Variants in LONP2 observed in about 807,000 individuals in gnomAD.
LONP2 encodes lon peptidase 2, peroxisomal, also known as lon protease homolog 2, peroxisomal.
Under a neutral mutation model 85.6 loss-of-function variants are expected in LONP2, and 60 were observed. The observed-to-expected ratio is 0.70, with a 90% CI of 0.57 to 0.87. The LOEUF (loss-of-function observed/expected upper bound fraction) is 0.87, where lower values mean the gene tolerates loss of function less well. Ranked by LOEUF, LONP2 falls within the 40% of genes least tolerant of loss-of-function variation. LONP2 has a pLI of 0.00. For synonymous variants in LONP2, 395 were observed against 389.7 expected, an observed-to-expected ratio of 1.01 and a Z score of -0.16; for missense variants, 860 against 1,063.5, an observed-to-expected ratio of 0.81 and a Z score of 2.66.
chr16:48,293,193 C>G (rs1378289706), intron 8 of LONP2, among the ~76,000 whole-genome samples: 1 of 152,084 alleles, frequency 6.6e-6, no homozygotes, highest in Non-Finnish European at 1.5e-5. Flanking sequence ...CTTTGGGAGG[C>G]CGAGGTGGGC....
At chr16:48,294,357 CATT>C (rs1305546414) in intron 8 of LONP2, among the ~76,000 whole-genome samples, 1 of 152,148 alleles carries the variant, frequency 6.6e-6, no homozygotes, top group Non-Finnish European at 1.5e-5. Flanking sequence ...TGATATTAAA[CATT>C]ATTAAGTCTT....
intron 8 of LONP2, 62 bp from the exon 9 acceptor site, chr16:48,295,953 C>A: frequency 6.5e-7 from 1 of 1,528,262 alleles, no homozygotes; most frequent in Admixed American, 1.8e-5. Flanking sequence ...TGTGTTTTCA[C>A]TTATATACAG....
chr16:48,298,953 C>T (rs149539859), intron 9 of LONP2, among the ~76,000 whole-genome samples: 7 of 150,902 alleles, frequency 4.6e-5, no homozygotes, highest in Non-Finnish European at 1.0e-4. Context: ...TGCAGTGGTG[C>T]AATCTCAACT....
rs759287753 is a variant in LONP2, at chr16:48,262,833, G to C, written c.943G>C (p.Glu315Gln). ...PEYALTRNYLELMVELPWNKS... is the reference protein window; with the variant it reads ...PEYALTRNYLQLMVELPWNKS... ...ATATGCTCTGACTAGAAATTATTTGGAACTTATGGTAGAACTTCCTTGGAA... is the reference window on the plus strand; with the variant it reads ...ATATGCTCTGACTAGAAATTATTTGCAACTTATGGTAGAACTTCCTTGGAA... The change falls in exon 6 of 15, where the codon GAA becomes CAA. Residue 315 changes from glutamate to glutamine, a missense_variant. By Grantham distance (29) the Glu-to-Gln change is conservative. Coordinates refer to ENST00000285737, the MANE Select transcript of LONP2 (RefSeq NM_031490.5). The C allele has an allele frequency of 6.2e-7, 1 of 1,611,548 alleles. No individual in the cohort carries two copies. The highest frequency in any genetic ancestry group is 8.5e-7 in the Non-Finnish European group (1 of 1,178,684).
At position 48,252,355 on chromosome 16, in the gene LONP2, A is replaced by C; in HGVS notation, c.458A>C (p.Tyr153Ser). The C allele has an allele frequency of 6.3e-7, 1 of 1,595,534 alleles. No homozygotes were observed. Among genetic ancestry groups the C allele is most frequent in the Non-Finnish European group, 8.5e-7 (1 of 1,171,578 alleles). ...LGELSEQFYK[Y>S]AVQLVEMLDM... ...GAACTATCAGAGCAGTTTTACAAAT[A>C]TGCAGTACAAGTAAGTTGCTTTTAT... is the stretch of plus-strand genomic sequence containing the variant. The change falls in exon 2 of 15, where the codon TAT becomes TCT. Residue 153 changes from tyrosine (Y) to serine (S), a missense_variant. By Grantham distance (144) the Tyr-to-Ser change is moderately radical (BLOSUM62 -2). This residue lies in a region of LONP2 where 743 missense variants were observed against 917.3 expected (regional missense o/e 0.81). Coordinates refer to ENST00000285737, the MANE Select transcript of LONP2 (RefSeq NM_031490.5).
intron 14 of LONP2, among the ~76,000 whole-genome samples, chr16:48,351,336 C>T (rs916118913): frequency 6.6e-6 from 1 of 152,182 alleles, no homozygotes; most frequent in Non-Finnish European, 1.5e-5. Context: ...AAGAGGAACT[C>T]ATACCTATCA....
intron 12 of LONP2, chr16:48,344,390 G>GT (rs1959903369): frequency 6.6e-6 from 1 of 152,188 alleles, no homozygotes; most frequent in South Asian, 2.1e-4. Context: ...TAGATGTTAA[G>GT]TTACACAGAT....
chr16:48,346,314 A>G lies in LONP2; in HGVS notation c.1939-1193A>G, dbSNP rs545475820. Among the ~76,000 whole-genome samples the G allele has an allele frequency of 1.4e-4, 21 of 152,306 alleles. No individual in the cohort carries two copies. In the East Asian group the frequency reaches 4.1e-3, roughly 29 times the overall value. On this transcript the variant is annotated intron_variant, in intron 12 of 14. Coordinates refer to ENST00000285737, the MANE Select transcript of LONP2 (RefSeq NM_031490.5). Reference sequence around the variant, plus strand: ...CTAACATGAGTAACTTCTATTGGATAGGAAATTTTGAAGCTCAAAGGGTGT... The same window carrying G: ...CTAACATGAGTAACTTCTATTGGATGGGAAATTTTGAAGCTCAAAGGGTGT...
chr16:48,344,639 G>C (rs936259776), intron 12 of LONP2: 1 of 152,232 alleles, frequency 6.6e-6, no homozygotes, highest in African/African-American at 2.4e-5. Flanking sequence ...TCTTGGCTGG[G>C]CATGGTGGCT....
chr16:48,328,245 A>G (rs1959311615), intron 11 of LONP2, among the ~76,000 whole-genome samples: 1 of 152,130 alleles, frequency 6.6e-6, no homozygotes. Context: ...CCCCGTCTCT[A>G]CTAAAAATAC....
intron 11 of LONP2, among the ~76,000 whole-genome samples, chr16:48,324,504 A>G (rs1973330058): frequency 6.6e-6 from 1 of 152,248 alleles, no homozygotes; most frequent in Non-Finnish European, 1.5e-5. Context: ...AATTTTAATC[A>G]TTCAAAAATA....
intron 11 of LONP2, among the ~76,000 whole-genome samples, chr16:48,315,154 C>T (rs193153198): frequency 6.6e-5 from 10 of 152,260 alleles, no homozygotes; most frequent in African/African-American, 2.2e-4. Flanking sequence ...TATAAAATGA[C>T]AATTCGGTAG....
chr16:48,325,424 C>T (rs1471929166), intron 11 of LONP2, among the ~76,000 whole-genome samples: 1 of 152,192 alleles, frequency 6.6e-6, no homozygotes, highest in Non-Finnish European at 1.5e-5. Flanking sequence ...TATCTCTCCC[C>T]TTGCCAGTCT....
At chr16:48,255,285 C>G (rs1234890151) in intron 2 of LONP2, among the ~76,000 whole-genome samples, 1 of 152,168 alleles carries the variant, frequency 6.6e-6, no homozygotes, top group Admixed American at 6.5e-5. Flanking sequence ...CTTCCCTTAT[C>G]TCTAAGGCAG....
At chr16:48,323,032 A>G (rs1042748831) in intron 11 of LONP2, among the ~76,000 whole-genome samples, 15 of 152,198 alleles carry the variant, frequency 9.9e-5, no homozygotes, top group Admixed American at 3.9e-4. Flanking sequence ...GTGCGTGACT[A>G]TACCCACTAT....
rs1960164387 is a variant in LONP2, at chr16:48,351,897, G to A, written c.*95G>A. The A allele has an allele frequency of 1.1e-6, 1 of 892,764 alleles. No homozygotes were observed. Among genetic ancestry groups the A allele is most frequent in the African/African-American group, 1.7e-5 (1 of 59,446 alleles). The allele number at this position is 892,764 out of a possible 1,614,324, so 55.3% of individuals were successfully genotyped here. A position where few individuals can be genotyped will look rare whatever the true frequency, so the allele number is the denominator to read the frequency against. ...TCACACCATTAGGGGTATGCAAGAT[G>A]TCCCTGTTTTATAAACATAATCACA... is the stretch of plus-strand genomic sequence containing the variant. On this transcript the variant is annotated 3_prime_UTR_variant, in exon 15 of 15. Transcript: ENST00000285737.
Position 48,303,163 on chromosome 16 carries a change from T to C in LONP2, c.1662-9T>C. On this transcript the variant is annotated splice_polypyrimidine_tract_variant and intron_variant, in intron 10 of 14. Transcript: ENST00000285737. ...TAGTCAAAAATAAAATATTTTTGTT[T>C]GATGACAGGTATACCAGAGAGGCAG... 1.2e-6 allele frequency: 2 copies of C among 1,613,034 alleles called. No individual in the cohort carries two copies. Among genetic ancestry groups the C allele is most frequent in the Non-Finnish European group, 8.5e-7 (1 of 1,179,104 alleles).
At chr16:48,265,528 T>C (rs895206146) in intron 6 of LONP2, among the ~76,000 whole-genome samples, 4 of 147,190 alleles carry the variant, frequency 2.7e-5, no homozygotes, top group South Asian at 4.2e-4. Context: ...GTTGACCTTC[T>C]AGGTAACTTT....
chr16:48,346,136 T>G (rs1959957045), intron 12 of LONP2: 1 of 151,858 alleles, frequency 6.6e-6, no homozygotes, highest in African/African-American at 2.4e-5. Context: ...ATCAGGAATT[T>G]CATTGTCCAA....
Sources: gnomAD v4.1 joint callset for allele counts (sites outside exome capture counted in the v4.1 genomes callset) on GRCh38, gnomAD v4.1.1 for gene constraint, gnomAD v4.1.1 regional missense constraint, MANE v1.5 for transcripts, NCBI Gene and HGNC (gene_info 2026-07-23, HGNC 2026-07-21) for gene names.